Variants in SPATA22 observed in about 807,000 individuals in gnomAD.
SPATA22 encodes the protein spermatogenesis associated 22, also known as spermatogenesis-associated protein 22.
Under a neutral mutation model 47.8 loss-of-function variants are expected in SPATA22, and 29 were observed. The ratio of observed to expected loss-of-function variants is 0.61; its 90% CI spans 0.45 to 0.83. The LOEUF (loss-of-function observed/expected upper bound fraction) is 0.83, where lower values mean the gene tolerates loss of function less well. SPATA22 is among the 40% of genes least tolerant of loss of function. The pLI is 0.00. For synonymous variants in SPATA22, 133 were observed against 140.9 expected (o/e 0.94, Z 0.40); for missense variants, 410 against 421.7 (o/e 0.97, Z 0.24).
At chr17:3,458,148 A>T (rs1272908136) in intron 5 of SPATA22, among the ~76,000 whole-genome samples, 1 of 152,220 alleles carries the variant, frequency 6.6e-6, no homozygotes, top group African/African-American at 2.4e-5. Context: ...CACAATTTAA[A>T]GATGGGCAAA....
chr17:3,505,623 C>A (rs1230775062), intron 1 of SPATA22, among the ~76,000 whole-genome samples: 2 of 152,166 alleles, frequency 1.3e-5, no homozygotes, highest in African/African-American at 2.4e-5. Flanking sequence ...GGGAGAGAGG[C>A]CTATACGGGT....
intron 1 of SPATA22, among the ~76,000 whole-genome samples, chr17:3,479,279 A>G (rs2073586070): frequency 6.6e-6 from 1 of 152,158 alleles, no homozygotes; most frequent in Admixed American, 6.6e-5. Flanking sequence ...TCCAGACTTG[A>G]CTCTGAGCAA....
chr17:3,447,720 C>T (rs567858140), intron 6 of SPATA22, among the ~76,000 whole-genome samples: 67 of 152,126 alleles, frequency 4.4e-4, no homozygotes, highest in Non-Finnish European at 5.9e-4. Context: ...AAAAGTATCA[C>T]GCCCAGGAAA....
chr17:3,467,606 T>C (rs761753078), intron 2 of SPATA22, 52 bp from the exon 3 acceptor site: 20 of 1,481,486 alleles, frequency 1.3e-5, no homozygotes, highest in Admixed American at 2.1e-5. Context: ...TAAGCAGATC[T>C]AGTTGTAAAA....
chr17:3,454,319 C>CT (rs1567596856), intron 5 of SPATA22, among the ~76,000 whole-genome samples: 1 of 150,438 alleles, frequency 6.6e-6, no homozygotes, highest in African/African-American at 2.4e-5. Context: ...TATTATTATA[C>CT]TTTAAGTTTT....
At chr17:3,471,894 G>A (rs1421778682), upstream of SPATA22, 3 of 983,152 alleles carry the variant, frequency 3.1e-6, no homozygotes, top group African/African-American at 3.5e-5. Context: ...TTCGCTGCCT[G>A]CCTGGCCGCC....
chr17:3,507,231 GGTTTTAAAAAATAAAACAGAA>G (rs973003091), intron 1 of SPATA22, among the ~76,000 whole-genome samples: 1 of 151,976 alleles, frequency 6.6e-6, no homozygotes, highest in African/African-American at 2.4e-5. Flanking sequence ...AAAATATGAT[GGTTTTAAAAAATAAAACAGAA>G]AACCGATGAA....
intron 5 of SPATA22, among the ~76,000 whole-genome samples, chr17:3,453,616 T>G (rs910945053): frequency 2.0e-5 from 3 of 152,146 alleles, no homozygotes; most frequent in Non-Finnish European, 4.4e-5. Context: ...ACCACTTCTA[T>G]TCAAACATAG....
chr17:3,476,544 A>G (rs2073526616), upstream of SPATA22: 1 of 798,412 alleles, frequency 1.3e-6, no homozygotes, highest in Admixed American at 2.0e-5. Context: ...ACTTTTAATT[A>G]TACTGCATTG....
intron 5 of SPATA22, among the ~76,000 whole-genome samples, chr17:3,453,905 G>T (rs1470802097): frequency 6.6e-6 from 1 of 152,034 alleles, no homozygotes; most frequent in Non-Finnish European, 1.5e-5. Flanking sequence ...GGAAATAAAA[G>T]GAGCGCAAAT....
Position 3,490,730 on chromosome 17 carries a change from A to G in SPATA22, c.-73-21332T>C, listed in dbSNP as rs1398072280. On this transcript the variant is annotated intron_variant, in intron 1 of 8. Coordinates refer to the SPATA22 transcript ENST00000541913. The surrounding 1 kb of genome is among the most constrained non-coding windows in gnomAD (Gnocchi z 4.6). Reference sequence around the variant, plus strand: ...CTCTGAATAGGAAGTGTGGGACTACAATATATTAAGAAGTGATACATTCAG... The same window carrying G: ...CTCTGAATAGGAAGTGTGGGACTACGATATATTAAGAAGTGATACATTCAG... Among the ~76,000 whole-genome samples, 1 of 152,170 alleles carries G rather than the reference A, an allele frequency of 6.6e-6. No homozygotes were observed. The highest frequency in any genetic ancestry group is 1.5e-5 in the Non-Finnish European group (1 of 68,044).
At position 3,469,271 on chromosome 17, in the gene SPATA22, G is replaced by C. The variant is rs2073377160; in HGVS notation, c.43+12C>G. 7.5e-7 allele frequency: 1 copy of C among 1,328,906 alleles called. No individual in the cohort carries two copies. Among genetic ancestry groups the C allele is most frequent in the South Asian group, 1.3e-5 (1 of 78,958 alleles). 82.3% of individuals were successfully genotyped at this position (1,328,906 alleles called of 1,614,324 possible). On this transcript the variant is annotated intron_variant, in intron 2 of 8. Transcript: ENST00000572969. ...TATACAGAAAATTTAAAAATAAAAA[G>C]TTGTTCAATACCTGCTGTACTTCGA...
chr17:3,462,370 C>G, intron 5 of SPATA22, 113 bp downstream of exon 5: 1 of 707,210 alleles, frequency 1.4e-6, no homozygotes, highest in Non-Finnish European at 2.3e-6. Context: ...ATAGAAATTT[C>G]CTAAATGTAA....
At chr17:3,500,404 G>T (rs898243324) in intron 1 of SPATA22, 1 of 152,266 alleles carries the variant, frequency 6.6e-6, no homozygotes, top group African/African-American at 2.4e-5. Context: ...TAGCTTCAAA[G>T]CTTCAAAGGA....
Position 3,477,267 on chromosome 17 carries a change from G to A in SPATA22, c.-73-7869C>T, listed in dbSNP as rs570502696. ...GTTGTAGATGGGATACCAGAGATGA[G>A]AACTAAAGACACCATCTGAATTTTC... On this transcript the variant is annotated intron_variant, in intron 1 of 8. Coordinates refer to the SPATA22 transcript ENST00000541913. Among the ~76,000 whole-genome samples, 10 of 152,308 alleles carry A rather than the reference G, an allele frequency of 6.6e-5. No homozygotes were observed. In the South Asian group the frequency reaches 2.1e-3, roughly 32 times the overall value.
intron 5 of SPATA22, among the ~76,000 whole-genome samples, chr17:3,459,087 G>A (rs2073065111): frequency 7.6e-6 from 1 of 130,934 alleles, no homozygotes; most frequent in Admixed American, 8.4e-5. Context: ...ACTCATAGAA[G>A]CAGAGCGTAG....
intron 5 of SPATA22, among the ~76,000 whole-genome samples, chr17:3,455,989 TCTC>T (rs2072984148): frequency 6.6e-6 from 1 of 152,188 alleles, no homozygotes; most frequent in Non-Finnish European, 1.5e-5. Context: ...GATTTGTAGT[TCTC>T]CTTGAAGAGG....
chr17:3,459,407 T>TA (rs796102592), intron 5 of SPATA22, among the ~76,000 whole-genome samples: 1 of 151,860 alleles, frequency 6.6e-6, no homozygotes, highest in African/African-American at 2.4e-5. Flanking sequence ...TAATTTTTTT[T>TA]AAAAAATACT....
intron 1 of SPATA22, chr17:3,494,239 G>A: frequency 1.3e-6 from 1 of 767,878 alleles, no homozygotes; most frequent in Non-Finnish European, 2.3e-6. Context: ...CCTGACCTCA[G>A]GTGATCCACC....
Sources: allele counts gnomAD v4.1 joint callset (sites outside exome capture counted in the v4.1 genomes callset), GRCh38; gene constraint gnomAD v4.1.1; non-coding constraint Gnocchi (gnomAD v3.1); transcripts MANE v1.5; gene names NCBI Gene and HGNC (gene_info 2026-07-23, HGNC 2026-07-21).